Variants in TLL2 observed in about 807,000 individuals in gnomAD.
The protein encoded by TLL2 is tolloid-like protein 2.
TLL2 carries 106 observed loss-of-function variants against 123.0 expected under a neutral mutation model. The observed-to-expected ratio is 0.86, with a 90% CI of 0.74 to 1.01. The LOEUF (loss-of-function observed/expected upper bound fraction) is 1.01, where lower values mean the gene tolerates loss of function less well. TLL2 is among the 50% of genes least tolerant of loss of function. The pLI, the probability that TLL2 is intolerant of heterozygous loss-of-function variation, is 0.00. For missense variants in TLL2, 1,332 were observed against 1,336.7 expected (o/e 1.00, Z 0.06); for synonymous variants, 494 against 516.8 (o/e 0.96, Z 0.60).
intron 10 of TLL2, among the ~76,000 whole-genome samples, chr10:96,403,492 C>T (rs991315918): frequency 1.1e-4 from 16 of 152,290 alleles, no homozygotes; most frequent in South Asian, 2.1e-4. Context: ...TCTAGGGCTG[C>T]GCAGGACATG....
chr10:96,441,816 T>C (rs545018356), intron 3 of TLL2, among the ~76,000 whole-genome samples: 6 of 152,282 alleles, frequency 3.9e-5, no homozygotes, highest in African/African-American at 1.2e-4. Context: ...TGGGGCTCAG[T>C]TGTTACACCC....
At position 96,364,722 on chromosome 10, in the gene TLL2, A is replaced by T. The variant is rs1846007628; in HGVS notation, c.*3366T>A. The stretch of plus-strand genomic sequence containing the variant: ...CATGAAATGTAAAATTACACAAAAT[A>T]AAAAATACCCATATGTTTACATATA... On this transcript the variant is annotated 3_prime_UTR_variant, in exon 21 of 21. Transcript: ENST00000357947. The T allele has an allele frequency of 6.6e-6, 1 of 152,670 alleles. No individual in the cohort carries two copies. The highest frequency in any genetic ancestry group is 2.1e-4 in the South Asian group (1 of 4,834). 9.5% of individuals were successfully genotyped at this position (152,670 alleles called of 1,614,324 possible). A position where few individuals can be genotyped will look rare whatever the true frequency, so the allele number is the denominator to read the frequency against.
chr10:96,420,234 C>T (rs1846606058), intron 7 of TLL2, among the ~76,000 whole-genome samples: 1 of 152,156 alleles, frequency 6.6e-6, no homozygotes, highest in African/African-American at 2.4e-5. Context: ...GAAAGAACTA[C>T]AAAACTGGGA....
At position 96,469,499 on chromosome 10, in the gene TLL2, C is replaced by G. The variant is rs1489880310; in HGVS notation, c.286+10850G>C. 2.6e-5 allele frequency among the ~76,000 whole-genome samples: 4 copies of G among 152,232 alleles called. No individual in the cohort carries two copies. In the East Asian group the frequency reaches 7.7e-4, roughly 29 times the overall value. On this transcript the variant is annotated intron_variant, in intron 2 of 20. Coordinates refer to ENST00000357947, the MANE Select transcript of TLL2 (RefSeq NM_012465.4). ...CTGTGTCTGTGCCTCTGCTCTGCCTCTGGTGGGGCCCTGTGCACCCAGGCT... is the reference window on the plus strand; with the variant it reads ...CTGTGTCTGTGCCTCTGCTCTGCCTGTGGTGGGGCCCTGTGCACCCAGGCT...
chr10:96,513,800 G>T lies in TLL2; in HGVS notation c.-115C>A, dbSNP rs531499814. 23 of 1,138,962 alleles carry T rather than the reference G, an allele frequency of 2.0e-5. No homozygotes were observed. In the African/African-American group the frequency reaches 2.6e-4, roughly 13 times the overall value. 70.6% of individuals were successfully genotyped at this position (1,138,962 alleles called of 1,614,324 possible). On this transcript the variant is annotated 5_prime_UTR_variant, in exon 1 of 21. Coordinates refer to ENST00000357947, the MANE Select transcript of TLL2 (RefSeq NM_012465.4). The stretch of plus-strand genomic sequence containing the variant: ...CGGCCGGGACTCGGTGGTTACACAG[G>T]GCTGCTGGGCATGGCTCAGGCGCGG...
intron 10 of TLL2, among the ~76,000 whole-genome samples, chr10:96,398,005 G>C (rs1206748891): frequency 1.3e-5 from 2 of 152,168 alleles, no homozygotes; most frequent in Non-Finnish European, 1.5e-5. Flanking sequence ...GCAGAGTCCA[G>C]AGTGGCAGCA....
chr10:96,510,376 C>T (rs1288095894), intron 1 of TLL2, among the ~76,000 whole-genome samples: 2 of 152,186 alleles, frequency 1.3e-5, no homozygotes, highest in African/African-American at 4.8e-5. Context: ...GCCAGGAGGG[C>T]TTCACAGACT....
At chr10:96,386,320 A>C in intron 14 of TLL2, 105 bp from the exon 15 acceptor site, 1 of 1,214,624 alleles carries the variant, frequency 8.2e-7, no homozygotes, top group South Asian at 1.9e-5. Context: ...TAATTTTAAA[A>C]TGTTAGACAA....
intron 16 of TLL2, among the ~76,000 whole-genome samples, chr10:96,383,775 C>G (rs1001736790): frequency 1.4e-5 from 2 of 142,842 alleles, no homozygotes; most frequent in Non-Finnish European, 3.0e-5. Context: ...CACACACCAC[C>G]ACGCCCGGCT....
At chr10:96,502,616 C>A (rs891455019) in intron 1 of TLL2, among the ~76,000 whole-genome samples, 4 of 152,156 alleles carry the variant, frequency 2.6e-5, no homozygotes, top group African/African-American at 9.7e-5. Flanking sequence ...GGTATCTGCA[C>A]CCATGAGGCC....
chr10:96,437,947 T>C (rs1336022402), intron 3 of TLL2, among the ~76,000 whole-genome samples: 2 of 152,240 alleles, frequency 1.3e-5, no homozygotes, highest in African/African-American at 4.8e-5. Flanking sequence ...TAATTGGGTC[T>C]ATTTCTGGGT....
chr10:96,467,086 C>T (rs928911164), intron 2 of TLL2, among the ~76,000 whole-genome samples: 22 of 152,132 alleles, frequency 1.4e-4, no homozygotes, highest in African/African-American at 5.3e-4. Context: ...AGGTCAGTTT[C>T]CAGCTGTAAC....
chr10:96,442,902 A>G (rs1409200240), intron 3 of TLL2, among the ~76,000 whole-genome samples: 1 of 152,174 alleles, frequency 6.6e-6, no homozygotes, highest in Non-Finnish European at 1.5e-5. Context: ...AGCCTCTTTT[A>G]AGTTCCAGAC....
intron 1 of TLL2, among the ~76,000 whole-genome samples, chr10:96,498,342 A>G (rs929341460): frequency 6.6e-6 from 1 of 152,224 alleles, no homozygotes; most frequent in African/African-American, 2.4e-5. Context: ...CACGGGAAAT[A>G]TTAAAAGCTT....
chr10:96,368,245 C>T (rs780071983), intron 20 of TLL2, 23 bp from the exon 21 acceptor site: 17 of 1,611,730 alleles, frequency 1.1e-5, no homozygotes, highest in Admixed American at 8.3e-5. Flanking sequence ...GAAAGGGAAA[C>T]GAGAAGGACT....
At chr10:96,490,238 A>G (rs540440306) in intron 1 of TLL2, among the ~76,000 whole-genome samples, 4 of 152,384 alleles carry the variant, frequency 2.6e-5, no homozygotes, top group Admixed American at 6.5e-5. Flanking sequence ...TGTTTCTGGT[A>G]AGAAAGACTA....
chr10:96,386,440 C>G (rs1846235515), intron 14 of TLL2, among the ~76,000 whole-genome samples: 2 of 152,188 alleles, frequency 1.3e-5, no homozygotes, highest in Admixed American at 1.3e-4. Context: ...ACAATGAATG[C>G]ATTTGTGCTT....
In TLL2 at chr10:96,510,352, C is replaced by T. The variant is rs532711141; in HGVS notation, c.175+3159G>A. On this transcript the variant is annotated intron_variant, in intron 1 of 20. Transcript: ENST00000357947. ...AACACCCCCCAGAAGCCCCATGCCC[C>T]TCACCAGCCCCAGGCCAGGAGGGCT... 6.0e-4 allele frequency among the ~76,000 whole-genome samples: 91 copies of T among 152,334 alleles called. 4 individuals are homozygous for T. In the South Asian group the frequency reaches 0.018, roughly 31 times the overall value.
At chr10:96,460,988 T>C (rs1847076003) in intron 2 of TLL2, among the ~76,000 whole-genome samples, 1 of 152,204 alleles carries the variant, frequency 6.6e-6, no homozygotes, top group South Asian at 2.1e-4. Context: ...TTCTGTCATT[T>C]ATCAGCCACC....
Sources: allele counts gnomAD v4.1 joint callset (sites outside exome capture counted in the v4.1 genomes callset), GRCh38; gene constraint gnomAD v4.1.1; transcripts MANE v1.5; gene names NCBI Gene and HGNC (gene_info 2026-07-23, HGNC 2026-07-21).